The following CRPPA variants were observed in gnomAD, a reference collection of about 807,000 sequenced individuals.
The protein encoded by CRPPA is CDP-L-ribitol pyrophosphorylase A.
A neutral mutation model predicts 52.0 loss-of-function variants in CRPPA; 43 were observed. The ratio of observed to expected loss-of-function variants is 0.83; its 90% CI spans 0.65 to 1.07. The LOEUF (loss-of-function observed/expected upper bound fraction) is 1.07, where lower values mean the gene tolerates loss of function less well. CRPPA is among the 50% of genes least tolerant of loss of function. The pLI, the probability that CRPPA is intolerant of heterozygous loss-of-function variation, is 0.00. For synonymous variants in CRPPA, 250 were observed against 203.5 expected, an observed-to-expected ratio of 1.23 and a Z score of -1.94; for missense variants, 629 against 551.7, an observed-to-expected ratio of 1.14 and a Z score of -1.40.
chr7:16,163,689 G>A (rs1185555680), intron 9 of CRPPA, among the ~76,000 whole-genome samples: 1 of 152,058 alleles, frequency 6.6e-6, no homozygotes, highest in Non-Finnish European at 1.5e-5. Flanking sequence ...CTTCCTTCAG[G>A]AGCTCTTGTA....
chr7:16,315,727 G>C (rs1170799041), intron 3 of CRPPA, among the ~76,000 whole-genome samples: 1 of 110,904 alleles, frequency 9.0e-6, no homozygotes, highest in Non-Finnish European at 2.2e-5. Context: ...ATAAGACTGT[G>C]GGGGCTCCCC....
chr7:16,141,054 T>G (rs988495757), intron 9 of CRPPA, among the ~76,000 whole-genome samples: 26 of 152,208 alleles, frequency 1.7e-4, no homozygotes, highest in African/African-American at 6.3e-4. Context: ...CTGTGTCTTC[T>G]TCTTTCCATG....
intron 4 of CRPPA, among the ~76,000 whole-genome samples, chr7:16,306,830 TGATA>T (rs1239537876): frequency 6.6e-6 from 1 of 152,134 alleles, no homozygotes; most frequent in Non-Finnish European, 1.5e-5. Flanking sequence ...GCTGGGTTGA[TGATA>T]GTTAACCCAG....
At chr7:16,406,594 G>T (rs1340896423) in intron 1 of CRPPA, among the ~76,000 whole-genome samples, 4 of 152,148 alleles carry the variant, frequency 2.6e-5, no homozygotes, top group African/African-American at 4.8e-5. Flanking sequence ...AATGTACATA[G>T]TATATAGTAC....
intron 4 of CRPPA, among the ~76,000 whole-genome samples, chr7:16,302,231 G>C (rs368695979): frequency 3.0e-5 from 4 of 135,314 alleles, no homozygotes; most frequent in East Asian, 2.3e-4. Context: ...GGGAGGCGGA[G>C]CTTGCAGTGT....
At chr7:16,279,178 A>G (rs1253791914) in intron 5 of CRPPA, among the ~76,000 whole-genome samples, 2 of 152,178 alleles carry the variant, frequency 1.3e-5, no homozygotes, top group Non-Finnish European at 2.9e-5. Flanking sequence ...CTTTTGACCC[A>G]ACTGCTTCTT....
intron 9 of CRPPA, among the ~76,000 whole-genome samples, chr7:16,193,992 T>C (rs984786522): frequency 3.9e-5 from 6 of 152,030 alleles, no homozygotes; most frequent in East Asian, 1.9e-4. Context: ...ATCACGAAAA[T>C]TGAAAACACC....
intron 3 of CRPPA, among the ~76,000 whole-genome samples, chr7:16,368,349 C>T (rs1786663120): frequency 6.6e-6 from 1 of 152,064 alleles, no homozygotes; most frequent in South Asian, 2.1e-4. Context: ...AGTAAAAATT[C>T]TCAAGGATGA....
rs890102418 is a variant in CRPPA, at chr7:16,178,045, G to A, written c.1251+38021C>T. 1.8e-4 allele frequency among the ~76,000 whole-genome samples: 26 copies of A among 145,498 alleles called. 1 individual carries two copies. Among genetic ancestry groups the A allele is most frequent in the Non-Finnish European group, 3.6e-4 (24 of 66,742 alleles). On this transcript the variant is annotated intron_variant, in intron 9 of 9. Transcript: ENST00000407010. The stretch of plus-strand genomic sequence containing the variant: ...AGAGATTAATGAAGATTTCTTGGCT[G>A]TTGTCTAAAAGAAGGCAAAAAAAAA...
At chr7:16,188,670 A>C (rs565737909) in intron 9 of CRPPA, among the ~76,000 whole-genome samples, 19 of 152,180 alleles carry the variant, frequency 1.2e-4, no homozygotes, top group Non-Finnish European at 2.5e-4. Context: ...TAGAGAAGTC[A>C]GTTCATTTCA....
intron 2 of CRPPA, among the ~76,000 whole-genome samples, chr7:16,387,057 A>ATG (rs1787293464): frequency 2.4e-5 from 2 of 82,762 alleles, no homozygotes; most frequent in African/African-American, 6.3e-5. Context: ...ATATATATAT[A>ATG]TATATATATA....
chr7:16,266,726 G>A (rs1416924255), intron 6 of CRPPA, among the ~76,000 whole-genome samples: 5 of 152,026 alleles, frequency 3.3e-5, no homozygotes, highest in East Asian at 1.9e-4. Flanking sequence ...TGATCCACCC[G>A]CCTCGGCCTC....
Position 16,088,566 on chromosome 7 carries a change from C to G in CRPPA, c.*3129G>C, listed in dbSNP as rs914192542. 3.3e-5 allele frequency: 5 copies of G among 152,020 alleles called. No homozygotes were observed. The highest frequency in any genetic ancestry group is 2.0e-4 in the Admixed American group (3 of 15,254). 9.4% of individuals were successfully genotyped at this position (152,020 alleles called of 1,614,324 possible). A position where few individuals can be genotyped will look rare whatever the true frequency, so the allele number is the denominator to read the frequency against. On this transcript the variant is annotated 3_prime_UTR_variant, in exon 10 of 10. Coordinates refer to ENST00000407010, the MANE Select transcript of CRPPA (RefSeq NM_001101426.4). ...CTGAGTAGCTGGGACTACAGGCGCC[C>G]GCCACGATGCCTGGCTATTTTTTTT...
chr7:16,201,118 T>C (rs140797445), intron 9 of CRPPA, among the ~76,000 whole-genome samples: 2 of 152,116 alleles, frequency 1.3e-5, no homozygotes, highest in Non-Finnish European at 2.9e-5. Context: ...AGATCAAGGG[T>C]ACACACACAC....
chr7:16,332,276 A>G, intron 3 of CRPPA, among the ~76,000 whole-genome samples: 1 of 152,182 alleles, frequency 6.6e-6, no homozygotes, highest in South Asian at 2.1e-4. Flanking sequence ...ATTGTTGCCA[A>G]TAAACCTGCT....
intron 9 of CRPPA, among the ~76,000 whole-genome samples, chr7:16,197,830 A>G (rs1425684832): frequency 6.6e-6 from 1 of 150,610 alleles, no homozygotes; most frequent in Non-Finnish European, 1.5e-5. Flanking sequence ...CTGCCTTGAG[A>G]TTCTGTTAAT....
chr7:16,373,749 G>A (rs1286962676), intron 3 of CRPPA, among the ~76,000 whole-genome samples: 1 of 152,198 alleles, frequency 6.6e-6, no homozygotes, highest in Non-Finnish European at 1.5e-5. Context: ...TGAAGAATTA[G>A]AGTAAGCATG....
At chr7:16,145,828 T>A (rs1416018873) in intron 9 of CRPPA, among the ~76,000 whole-genome samples, 4 of 151,906 alleles carry the variant, frequency 2.6e-5, no homozygotes, top group Admixed American at 6.6e-5. Context: ...TAATGAAACA[T>A]CATCAAATTA....
At chr7:16,375,499 A>C (rs756541638) in intron 3 of CRPPA, among the ~76,000 whole-genome samples, 7 of 152,182 alleles carry the variant, frequency 4.6e-5, no homozygotes, top group African/African-American at 9.7e-5. Context: ...TTTTAACTAA[A>C]ATTTTGATTA....
Sources: allele counts gnomAD v4.1 joint callset (sites outside exome capture counted in the v4.1 genomes callset), GRCh38; gene constraint gnomAD v4.1.1; transcripts MANE v1.5; gene names NCBI Gene and HGNC (gene_info 2026-07-23, HGNC 2026-07-21).